The following NAPB variants were observed in gnomAD, a reference collection of about 807,000 sequenced individuals.
The protein encoded by NAPB is NSF attachment protein beta.
NAPB carries 26 observed loss-of-function variants against 44.7 expected under a neutral mutation model. The observed-to-expected ratio is 0.58, with a 90% confidence interval of 0.43 to 0.81. The LOEUF (loss-of-function observed/expected upper bound fraction) is 0.81. Ranked by LOEUF, NAPB falls within the 30% of genes least tolerant of loss-of-function variation. The pLI is 0.00. For missense variants in NAPB, 315 were observed against 356.4 expected, an observed-to-expected ratio of 0.88 and a Z score of 0.94; for synonymous variants, 120 against 116.8, an observed-to-expected ratio of 1.03 and a Z score of -0.18.
chr20:23,377,679 T>G (rs960102865), intron 10 of NAPB, among the ~76,000 whole-genome samples, 193 bp from the exon 11 acceptor site: 2 of 152,242 alleles, frequency 1.3e-5, no homozygotes, highest in African/African-American at 4.8e-5. Flanking sequence ...TGTTACTATT[T>G]TGATACTAGT....
intron 10 of NAPB, chr20:23,378,743 C>T (rs1186690135): frequency 6.7e-6 from 1 of 149,498 alleles, no homozygotes. Flanking sequence ...TGCCTGGCCA[C>T]CTTCCATTTA....
At chr20:23,402,332 C>A (rs965811981) in intron 2 of NAPB, among the ~76,000 whole-genome samples, 11 of 152,204 alleles carry the variant, frequency 7.2e-5, no homozygotes, top group African/African-American at 2.7e-4. Flanking sequence ...CATGAAAGAT[C>A]TCTTTCGCTG....
rs116811617 is a variant in NAPB, at chr20:23,379,279, T to A, written c.786+166A>T. ...CGAATCTCAGCATGGCTAATGGAAC[T>A]GTTTAATTTGTGTGATATATAAAAG... On this transcript the variant is annotated intron_variant, in intron 10 of 10. Coordinates refer to ENST00000377026, the MANE Select transcript of NAPB (RefSeq NM_022080.3). The A allele has an allele frequency of 8.1e-4, 425 of 521,838 alleles. 2 individuals are homozygous for A. Among genetic ancestry groups the A allele is most frequent in the African/African-American group, 6.7e-3 (349 of 51,814 alleles). 32.3% of individuals were successfully genotyped at this position (521,838 alleles called of 1,614,324 possible).
Position 23,421,425 on chromosome 20 carries a change from G to T in NAPB, c.-23C>A. 6.5e-6 allele frequency: 10 copies of T among 1,537,894 alleles called. No individual in the cohort carries two copies. Among genetic ancestry groups the T allele is most frequent in the Non-Finnish European group, 8.8e-6 (10 of 1,140,990 alleles). On this transcript the variant is annotated 5_prime_UTR_variant, in exon 1 of 11. The change creates a new upstream start codon in the 5' untranslated region. Coordinates refer to ENST00000377026, the MANE Select transcript of NAPB (RefSeq NM_022080.3). Reference sequence around the variant, plus strand: ...CATGTCGCCCGCCGCGGCCGCCACAGCCCCCTCAGCCGGCTCGCTGTGCGC... The same window carrying T: ...CATGTCGCCCGCCGCGGCCGCCACATCCCCCTCAGCCGGCTCGCTGTGCGC...
chr20:23,389,861 T>C (rs1419323727), intron 7 of NAPB, 85 bp downstream of exon 7: 7 of 1,185,108 alleles, frequency 5.9e-6, no homozygotes, highest in South Asian at 1.3e-5. Flanking sequence ...GTGTGGATTA[T>C]ATCTCAATAA....
At chr20:23,387,499 A>T (rs551851614) in intron 7 of NAPB, among the ~76,000 whole-genome samples, 1 of 152,214 alleles carries the variant, frequency 6.6e-6, no homozygotes, top group Admixed American at 6.5e-5. Context: ...TAAGAAATCC[A>T]CACAAAAAAA....
intron 4 of NAPB, 32 bp from the exon 5 acceptor site, chr20:23,395,031 C>T (rs369051636): frequency 1.6e-5 from 26 of 1,612,738 alleles, no homozygotes; most frequent in Admixed American, 5.0e-5. Context: ...AGTCACACAC[C>T]GATTTTACCT....
intron 7 of NAPB, among the ~76,000 whole-genome samples, chr20:23,389,257 A>T (rs1983771927): frequency 6.6e-6 from 1 of 151,232 alleles, no homozygotes; most frequent in Non-Finnish European, 1.5e-5. Context: ...AAAAAACCAA[A>T]ACAAGTATTG....
At chr20:23,381,072 T>G in intron 8 of NAPB, 141 bp downstream of exon 8, 1 of 621,808 alleles carries the variant, frequency 1.6e-6, no homozygotes. Flanking sequence ...CTGGGACACA[T>G]ACCACAGAAT....
chr20:23,415,746 C>A (rs186441100), intron 1 of NAPB, among the ~76,000 whole-genome samples: 4 of 152,142 alleles, frequency 2.6e-5, no homozygotes, highest in African/African-American at 9.6e-5. Flanking sequence ...CAGAGCAGAT[C>A]GCTTGAGTCC....
intron 1 of NAPB, among the ~76,000 whole-genome samples, chr20:23,420,929 G>A (rs1259983769): frequency 1.3e-5 from 2 of 151,622 alleles, no homozygotes; most frequent in Admixed American, 6.6e-5. Context: ...GGGATTCTAA[G>A]GGGGCGTGTT....
At chr20:23,389,827 G>T in intron 7 of NAPB, 119 bp downstream of exon 7, 2 of 791,522 alleles carry the variant, frequency 2.5e-6, no homozygotes, top group Non-Finnish European at 4.2e-6. Context: ...ACTAAAAACC[G>T]CTGAACTGTA....
At chr20:23,385,747 G>T (rs1040787503) in intron 7 of NAPB, among the ~76,000 whole-genome samples, 1 of 149,810 alleles carries the variant, frequency 6.7e-6, no homozygotes, top group Non-Finnish European at 1.5e-5. Flanking sequence ...GAGAAAGAGA[G>T]AGAGAGAAAG....
chr20:23,403,941 G>A (rs1001036822), intron 1 of NAPB, among the ~76,000 whole-genome samples: 2 of 152,080 alleles, frequency 1.3e-5, no homozygotes, highest in African/African-American at 2.4e-5. Flanking sequence ...CTCAGGGTCC[G>A]GCCCAGTTTA....
At chr20:23,413,415 T>C (rs1985791737) in intron 1 of NAPB, among the ~76,000 whole-genome samples, 1 of 152,102 alleles carries the variant, frequency 6.6e-6, no homozygotes, top group South Asian at 2.1e-4. Flanking sequence ...ATGAATATTT[T>C]AATCCATACA....
chr20:23,389,881 T>C lies in NAPB; in HGVS notation c.561+65A>G, dbSNP rs117554641. 283 of 1,415,510 alleles carry C rather than the reference T, an allele frequency of 2.0e-4. 5 individuals are homozygous for C. In the East Asian group the frequency reaches 5.9e-3, roughly 30 times the overall value. The allele number at this position is 1,415,510 out of a possible 1,614,324, so 87.7% of individuals were successfully genotyped here. A position where few individuals can be genotyped will look rare whatever the true frequency, so the allele number is the denominator to read the frequency against. On this transcript the variant is annotated intron_variant, in intron 7 of 10. Coordinates refer to ENST00000377026, the MANE Select transcript of NAPB (RefSeq NM_022080.3). The stretch of plus-strand genomic sequence containing the variant: ...GATTATATCTCAATAAACAGAAAAA[T>C]AAAAAGTTTAATTTTGAAAAATTAT...
Position 23,394,526 on chromosome 20 carries a change from G to A in NAPB, c.420+396C>T, listed in dbSNP as rs76955281. Among the ~76,000 whole-genome samples, 764 of 152,300 alleles carry A rather than the reference G, an allele frequency of 5.0e-3. 21 individuals are homozygous for A. In the East Asian group the frequency reaches 0.092, roughly 18 times the overall value. On this transcript the variant is annotated intron_variant, in intron 5 of 10. Coordinates refer to ENST00000377026, the MANE Select transcript of NAPB (RefSeq NM_022080.3). Reference sequence around the variant, plus strand: ...CATTTGGAGAGAGGTCTAGGCTGCAGTCAGATTTCTGAGTCACTGGCACAC... The same window carrying A: ...CATTTGGAGAGAGGTCTAGGCTGCAATCAGATTTCTGAGTCACTGGCACAC...
intron 1 of NAPB, among the ~76,000 whole-genome samples, chr20:23,408,167 A>G (rs899134829): frequency 6.6e-6 from 1 of 152,214 alleles, no homozygotes; most frequent in South Asian, 2.1e-4. Flanking sequence ...TCAGGATGCC[A>G]TGAAGGGGTG....
At chr20:23,420,639 A>C (rs1438539929) in intron 1 of NAPB, among the ~76,000 whole-genome samples, 2 of 151,838 alleles carry the variant, frequency 1.3e-5, no homozygotes, top group Non-Finnish European at 2.9e-5. Context: ...GGCGAAATGC[A>C]CCAATACGAC....
Sources: allele counts gnomAD v4.1 joint callset (sites outside exome capture counted in the v4.1 genomes callset), GRCh38; gene constraint gnomAD v4.1.1; transcripts MANE v1.5; gene names NCBI Gene and HGNC (gene_info 2026-07-23, HGNC 2026-07-21).